CFAP210: variants seen among roughly 807,000 people sequenced by gnomAD.
The protein encoded by CFAP210 is cilia and flagella associated protein 210.
At chr2:169,655,013 G>A in the CFAP210 span, among the ~76,000 whole-genome samples, 1 of 152,232 alleles carries the variant, frequency 6.6e-6, no homozygotes, top group East Asian at 1.9e-4. Context: ...AATTGTAAAA[G>A]TAGGTCACTA....
chr2:169,647,484 G>A, the CFAP210 span, among the ~76,000 whole-genome samples: 1 of 152,080 alleles, frequency 6.6e-6, no homozygotes, highest in Non-Finnish European at 1.5e-5. Context: ...AAGTACCTTC[G>A]AAGTACATTT....
the CFAP210 span, chr2:169,674,557 G>A: frequency 6.5e-7 from 1 of 1,530,774 alleles, no homozygotes; most frequent in Non-Finnish European, 8.7e-7. Context: ...GTACAAAAAG[G>A]TATTTTATGT....
chr2:169,679,630 G>A, the CFAP210 span, among the ~76,000 whole-genome samples: 29 of 136,254 alleles, frequency 2.1e-4, no homozygotes, highest in African/African-American at 7.2e-4. Context: ...GCAGTCAGCC[G>A]AGATTGCCCC....
At chr2:169,664,765 C>A in the CFAP210 span, among the ~76,000 whole-genome samples, 9 of 152,230 alleles carry the variant, frequency 5.9e-5, no homozygotes, top group African/African-American at 2.2e-4. Context: ...CTCCACCAGG[C>A]AATCAGAGTT....
At chr2:169,681,692 A>T in the CFAP210 span, among the ~76,000 whole-genome samples, 1 of 152,214 alleles carries the variant, frequency 6.6e-6, no homozygotes, top group African/African-American at 2.4e-5. Flanking sequence ...TAATTTGGAG[A>T]ACTCACTATA....
the CFAP210 span, chr2:169,645,808 C>T: frequency 7.2e-7 from 1 of 1,395,836 alleles, no homozygotes; most frequent in Non-Finnish European, 9.9e-7. Flanking sequence ...TATGCTACAA[C>T]TTAGTCTTCT....
the CFAP210 span, among the ~76,000 whole-genome samples, chr2:169,692,418 G>C: frequency 6.7e-6 from 1 of 149,246 alleles, no homozygotes; most frequent in Non-Finnish European, 1.5e-5. Context: ...CATGGCAAAA[G>C]GGCAAAGAGA....
the CFAP210 span, chr2:169,674,430 GA>G: frequency 1.6e-6 from 1 of 629,486 alleles, no homozygotes. Context: ...CTCTGGGTAA[GA>G]AAGTGATAGC....
At chr2:169,685,625 CTG>C in the CFAP210 span, among the ~76,000 whole-genome samples, 7 of 152,130 alleles carry the variant, frequency 4.6e-5, no homozygotes, top group East Asian at 1.3e-3. Context: ...AAGGCCAAAT[CTG>C]TTTTTCTTGG....
the CFAP210 span, among the ~76,000 whole-genome samples, chr2:169,655,980 G>A: frequency 0.39 from 59,812 of 152,030 alleles, 12,059 homozygotes; most frequent in Non-Finnish European, 0.44. Flanking sequence ...ATGCTCAGCT[G>A]AAAGACTACA....
the CFAP210 span, among the ~76,000 whole-genome samples, chr2:169,650,896 A>G: frequency 6.6e-6 from 1 of 151,408 alleles, no homozygotes; most frequent in African/African-American, 2.4e-5. Flanking sequence ...CCCAGGAGTT[A>G]AGAGACCAGC....
the CFAP210 span, among the ~76,000 whole-genome samples, chr2:169,678,341 CAAAAAA>C: frequency 6.8e-5 from 6 of 88,196 alleles, no homozygotes; most frequent in Admixed American, 1.3e-4. Context: ...AACTCTGTTG[CAAAAAA>C]AAAAAAAAAA....
chr2:169,665,296 C>CTTT, the CFAP210 span, among the ~76,000 whole-genome samples: 2 of 125,838 alleles, frequency 1.6e-5, no homozygotes, highest in Non-Finnish European at 3.6e-5. Flanking sequence ...TTTTTAAAAA[C>CTTT]TGTTTTTTGA....
the CFAP210 span, among the ~76,000 whole-genome samples, chr2:169,647,257 A>C: frequency 2.0e-5 from 3 of 152,200 alleles, no homozygotes; most frequent in Non-Finnish European, 4.4e-5. Context: ...CTTAATAAGC[A>C]GCAATTTGGA....
the CFAP210 span, chr2:169,674,714 C>T: frequency 1.9e-6 from 3 of 1,606,564 alleles, no homozygotes; most frequent in South Asian, 1.1e-5. Flanking sequence ...CTTACTCTTT[C>T]GGAATTCAAT....
At chr2:169,664,017 C>T in the CFAP210 span, among the ~76,000 whole-genome samples, 1 of 143,964 alleles carries the variant, frequency 6.9e-6, no homozygotes. Context: ...AATGAAACCC[C>T]AACTCTACTA....
At chr2:169,663,349 T>A in the CFAP210 span, among the ~76,000 whole-genome samples, 215 of 151,614 alleles carry the variant, frequency 1.4e-3, no homozygotes, top group Non-Finnish European at 2.5e-3. Flanking sequence ...GTCTGAGGAA[T>A]AAACCTTTCT....
the CFAP210 span, among the ~76,000 whole-genome samples, chr2:169,688,679 C>T: frequency 6.6e-6 from 1 of 152,200 alleles, no homozygotes; most frequent in Non-Finnish European, 1.5e-5. Context: ...TCCTCATCTC[C>T]ATCTGAGACC....
chr2:169,679,051 T>C, the CFAP210 span, among the ~76,000 whole-genome samples: 9 of 152,114 alleles, frequency 5.9e-5, no homozygotes, highest in African/African-American at 2.2e-4. Flanking sequence ...GCAAGTGGAT[T>C]TTCAAGAAAA....
Sources: allele counts gnomAD v4.1 joint callset (sites outside exome capture counted in the v4.1 genomes callset), GRCh38; gene constraint gnomAD v4.1.1; transcripts MANE v1.5; gene names NCBI Gene and HGNC (gene_info 2026-07-23, HGNC 2026-07-21).